Variants in WDR4 observed in about 807,000 individuals in gnomAD.
WDR4 encodes tRNA (guanine-N(7)-)-methyltransferase non-catalytic subunit WDR4.
A neutral mutation model predicts 48.6 loss-of-function variants in WDR4; 47 were observed. The observed-to-expected ratio is 0.97, with a 90% CI of 0.77 to 1.23. WDR4 has a LOEUF of 1.23. Ranked by LOEUF, WDR4 falls within the 50% of genes most tolerant of loss-of-function variation. The pLI is 0.00. For synonymous variants in WDR4, 268 were observed against 230.0 expected (o/e 1.17, Z -1.49); for missense variants, 606 against 551.6 (o/e 1.10, Z -0.99).
rs776294929 is a variant in WDR4 at position 42,850,108 on chromosome 21, G to A, written c.1180C>T (p.Pro394Ser). 4.3e-6 allele frequency: 7 copies of A among 1,614,086 alleles called. No homozygotes were observed. The Admixed American group carries it at 1.2e-4, about 27-fold the overall frequency. The change falls in exon 11 of 11, where the codon CCT (proline) becomes TCT (serine). Residue 394 changes from proline to serine, a missense_variant. Physicochemically the swap from Pro to Ser is moderately conservative, Grantham distance 74. Transcript: ENST00000398208. ...EKKQRRRSPP[P>S]GPDGHAKKMR... is the part of the protein sequence containing the mutation. ...TTCTTGGCATGCCCGTCGGGCCCAG[G>A]CGGGGGACTCCGGCGCCGCTGCTTC...
intron 1 of WDR4, among the ~76,000 whole-genome samples, chr21:42,878,271 T>C (rs1289851718): frequency 6.6e-6 from 1 of 152,152 alleles, no homozygotes. Context: ...ATCTTGTACA[T>C]ATTTATAGCC....
chr21:42,859,742 CG>C lies in WDR4; in HGVS notation c.567-21del. On this transcript the variant is annotated intron_variant, in intron 5 of 10. Coordinates refer to ENST00000398208, the MANE Select transcript of WDR4 (RefSeq NM_018669.6). ...ACAAACCTGTGAGGGCGAGAGAGAG[CG>C]GCAGAGTCAGCGAGCCCAGCGCCCG... 1 of 1,554,028 alleles carries C rather than the reference CG, an allele frequency of 6.4e-7. No homozygotes were observed.
At chr21:42,879,058 G>C (rs2058567818) in intron 1 of WDR4, 1 of 1,099,752 alleles carries the variant, frequency 9.1e-7, no homozygotes, top group East Asian at 5.5e-5. Flanking sequence ...TTGCTGACTG[G>C]TCAGCGTCGC....
chr21:42,853,412 C>G (rs542039162), intron 9 of WDR4, among the ~76,000 whole-genome samples, 157 bp downstream of exon 9: 1 of 152,360 alleles, frequency 6.6e-6, no homozygotes, highest in Admixed American at 6.5e-5. Flanking sequence ...ACGGTGGAAG[C>G]CCCAGCCACT....
chr21:42,846,952 C>G (rs993933455), downstream of WDR4, among the ~76,000 whole-genome samples: 1 of 151,236 alleles, frequency 6.6e-6, no homozygotes, highest in Non-Finnish European at 1.5e-5. Flanking sequence ...ACCCGGGAGG[C>G]GGAGGTTGCA....
At position 42,870,603 on chromosome 21, in the gene WDR4, C is replaced by T. The variant is rs142293399; in HGVS notation, c.296+2948G>A. On this transcript the variant is annotated intron_variant, in intron 3 of 10. Coordinates refer to ENST00000398208, the MANE Select transcript of WDR4 (RefSeq NM_018669.6). ...CAGAGTTCGAAACCAGCCTGGCCAACATGGTGAAACCCCTTCTCTACTAAA... is the reference window on the plus strand; with the variant it reads ...CAGAGTTCGAAACCAGCCTGGCCAATATGGTGAAACCCCTTCTCTACTAAA... Among the ~76,000 whole-genome samples, 737 of 152,206 alleles carry T rather than the reference C, an allele frequency of 4.8e-3. 6 individuals are homozygous for T. Among genetic ancestry groups the T allele is most frequent in the African/African-American group, 0.017 (692 of 41,514 alleles).
intron 4 of WDR4, 141 bp downstream of exon 4, chr21:42,863,299 C>G (rs1433799373): frequency 9.7e-7 from 1 of 1,035,032 alleles, no homozygotes; most frequent in African/African-American, 1.6e-5. Context: ...ATGTCCCCCA[C>G]GTACTGCGTC....
At chr21:42,892,949 G>GCTTTGCC in the WDR4 span, among the ~76,000 whole-genome samples, 1 of 152,250 alleles carries the variant, frequency 6.6e-6, no homozygotes, top group Non-Finnish European at 1.5e-5. Context: ...CAGATTTAAG[G>GCTTTGCC]CTGCGAGGAC....
At chr21:42,858,882 A>G (rs1227786908) in intron 6 of WDR4, among the ~76,000 whole-genome samples, 4 of 152,190 alleles carry the variant, frequency 2.6e-5, no homozygotes, top group African/African-American at 9.7e-5. Flanking sequence ...CACCACACAA[A>G]GGACCAACAC....
In WDR4 at chr21:42,864,044, T is replaced by C. The variant is rs371377364; in HGVS notation, c.297-448A>G. On this transcript the variant is annotated intron_variant, in intron 3 of 10. Coordinates refer to ENST00000398208, the MANE Select transcript of WDR4 (RefSeq NM_018669.6). ...ATGGCGTGAACCCGGGAGGCGGAGC[T>C]TGCAGTGAGCCGAGATCCCGCCACC... Among the ~76,000 whole-genome samples, 17 of 80,852 alleles carry C rather than the reference T, an allele frequency of 2.1e-4. 4 individuals are homozygous for C. The South Asian group carries it at 4.3e-3, about 21-fold the overall frequency. The allele number at this position is 80,852 out of a possible 152,430, so 53.0% of individuals were successfully genotyped here.
chr21:42,848,475 C>T (rs1461563290), downstream of WDR4, among the ~76,000 whole-genome samples: 6 of 64,506 alleles, frequency 9.3e-5, no homozygotes, highest in Admixed American at 1.4e-4. Flanking sequence ...TCACGCGGCG[C>T]ACACCTCACT....
At chr21:42,863,935 G>T (rs1273271668) in intron 3 of WDR4, among the ~76,000 whole-genome samples, 1 of 92,256 alleles carries the variant, frequency 1.1e-5, no homozygotes, top group Admixed American at 8.4e-5. Flanking sequence ...TGAAAACCCC[G>T]TCTCTACTAA....
chr21:42,867,935 A>G (rs529446341), intron 3 of WDR4, among the ~76,000 whole-genome samples: 47 of 152,240 alleles, frequency 3.1e-4, no homozygotes, highest in African/African-American at 1.1e-3. Flanking sequence ...ACGAGTCAAC[A>G]CAGCAAGACA....
Position 42,849,360 on chromosome 21 carries a change from T to TA in WDR4, c.*688dup, listed in dbSNP as rs1405947844. ...TGTGTGCCAAGGTCAAATCAAATCA[T>TA]AACGACGTCCTCAATCACCTCCCTG... On this transcript the variant is annotated 3_prime_UTR_variant, in exon 11 of 11. Coordinates refer to ENST00000398208, the MANE Select transcript of WDR4 (RefSeq NM_018669.6). 2 of 152,362 alleles carry TA rather than the reference T, an allele frequency of 1.3e-5. No homozygotes were observed. Among genetic ancestry groups the TA allele is most frequent in the Admixed American group, 1.3e-4 (2 of 15,296 alleles). The allele number at this position is 152,362 out of a possible 1,614,324, so 9.4% of individuals were successfully genotyped here.
At chr21:42,852,064 G>A (rs1332623833) in intron 10 of WDR4, among the ~76,000 whole-genome samples, 191 bp downstream of exon 10, 1 of 152,200 alleles carries the variant, frequency 6.6e-6, no homozygotes, top group Non-Finnish European at 1.5e-5. Context: ...TGACTCCCAT[G>A]GGGGGCTCCT....
At chr21:42,854,996 A>G (rs2057949002) in intron 7 of WDR4, among the ~76,000 whole-genome samples, 1 of 152,162 alleles carries the variant, frequency 6.6e-6, no homozygotes, top group South Asian at 2.1e-4. Context: ...GGAAATATTA[A>G]AAATGAAGAA....
chr21:42,862,375 C>A lies in WDR4; in HGVS notation c.473G>T (p.Arg158Leu), dbSNP rs756300679. ...GTCCCGGTCGGCAGTGAGGATGAAG[C>A]GGTCATCAGGACTCACAGCCTGCAT... is the stretch of plus-strand genomic sequence containing the variant. Reference protein sequence around the residue: ...LLDVAVSPDDRFILTADRDEK... With the variant: ...LLDVAVSPDDLFILTADRDEK... The change falls in exon 5 of 11, where the codon CGC becomes CTC. Residue 158 changes from arginine to leucine, a missense_variant. Arg to Leu is a moderately radical substitution (Grantham distance 102, BLOSUM62 -2). Coordinates refer to ENST00000398208, the MANE Select transcript of WDR4 (RefSeq NM_018669.6). This position sits in a 1 kb window ranked among gnomAD's most constrained non-coding sequence, Gnocchi z 4.3. 2.5e-6 allele frequency: 4 copies of A among 1,608,850 alleles called. No individual in the cohort carries two copies. The Admixed American group carries it at 5.0e-5, about 20-fold the overall frequency.
chr21:42,879,053 G>A (rs1406786797), intron 1 of WDR4: 14 of 1,088,516 alleles, frequency 1.3e-5, no homozygotes, highest in Non-Finnish European at 1.6e-5. Flanking sequence ...GGGCCTTGCT[G>A]ACTGGTCAGC....
At chr21:42,885,338 C>T in the WDR4 span, among the ~76,000 whole-genome samples, 146 of 152,212 alleles carry the variant, frequency 9.6e-4, no homozygotes, top group African/African-American at 3.2e-3. Flanking sequence ...GGGCCTGGCA[C>T]GGTGGCTCAT....
Sources: gnomAD v4.1 joint callset for allele counts (sites outside exome capture counted in the v4.1 genomes callset) on GRCh38, gnomAD v4.1.1 for gene constraint, Gnocchi (gnomAD v3.1) non-coding constraint, MANE v1.5 for transcripts, NCBI Gene and HGNC (gene_info 2026-07-23, HGNC 2026-07-21) for gene names.